CUBN: variants seen among roughly 807,000 people sequenced by gnomAD.
CUBN encodes cubilin, also known as 460 kDa receptor.
In CUBN, 282 loss-of-function variants were observed where a neutral mutation model predicts 405.3. That is an observed-to-expected ratio of 0.70 (90% CI 0.63 to 0.77). CUBN has a LOEUF of 0.77. Among genes scored for constraint, CUBN ranks in the 30% least tolerant of loss-of-function variants. CUBN has a pLI of 0.00. For synonymous variants in CUBN, 1,684 were observed against 1,617.0 expected (o/e 1.04, Z -0.99); for missense variants, 4,514 against 4,475.2 (o/e 1.01, Z -0.25).
At chr10:16,952,795 G>T (rs115521107) in intron 32 of CUBN, among the ~76,000 whole-genome samples, 2,600 of 152,288 alleles carry the variant, frequency 0.017, 67 homozygotes, top group African/African-American at 0.058. Context: ...GATGACTGTA[G>T]ATTACTAGAG....
chr10:16,938,712 T>C (rs1842581587), intron 38 of CUBN, among the ~76,000 whole-genome samples: 1 of 152,184 alleles, frequency 6.6e-6, no homozygotes, highest in Non-Finnish European at 1.5e-5. Flanking sequence ...CATACATGCA[T>C]GCTTAGACAA....
chr10:17,000,695 T>C (rs1054288266), intron 28 of CUBN, among the ~76,000 whole-genome samples: 4 of 152,240 alleles, frequency 2.6e-5, no homozygotes, highest in Non-Finnish European at 5.9e-5. Flanking sequence ...GTGCTACTTA[T>C]TGCACGGCCT....
At chr10:16,948,948 G>A (rs759780701) in intron 34 of CUBN, among the ~76,000 whole-genome samples, 76 of 152,154 alleles carry the variant, frequency 5.0e-4, no homozygotes, top group Non-Finnish European at 9.4e-4. Context: ...CCACTATTTT[G>A]TAGCACAGAA....
intron 33 of CUBN, 30 bp from the exon 34 acceptor site, chr10:16,950,141 A>G: frequency 6.6e-7 from 1 of 1,514,130 alleles, no homozygotes; most frequent in Non-Finnish European, 9.1e-7. Flanking sequence ...ACTCTCTCGT[A>G]AAGTACTGGC....
intron 28 of CUBN, among the ~76,000 whole-genome samples, chr10:16,996,728 A>T (rs976616176): frequency 1.3e-5 from 2 of 152,250 alleles, no homozygotes; most frequent in Non-Finnish European, 2.9e-5. Flanking sequence ...CGACTGCTCA[A>T]ATGCAGTCAG....
rs147315391 is a variant in CUBN at position 16,957,938 on chromosome 10, T to C, written c.4696-3390A>G. On this transcript the variant is annotated intron_variant, in intron 31 of 66. Coordinates refer to ENST00000377833, the MANE Select transcript of CUBN (RefSeq NM_001081.4). ...AAAACTCTAAGATTTTGCAAGTCCA[T>C]GGACTCACAAAATAAGACTCTTCTG... is the stretch of plus-strand genomic sequence containing the variant. Among the ~76,000 whole-genome samples the C allele has an allele frequency of 4.4e-3, 669 of 151,478 alleles. 3 individuals are homozygous for C. The highest frequency in any genetic ancestry group is 7.3e-3 in the Non-Finnish European group (498 of 67,862).
In CUBN at chr10:17,109,681, T is replaced by C. The variant is rs751255376; in HGVS notation, c.1070A>G (p.Asn357Ser). 1.2e-6 allele frequency: 2 copies of C among 1,613,988 alleles called. No homozygotes were observed. Among genetic ancestry groups the C allele is most frequent in the Non-Finnish European group, 1.7e-6 (2 of 1,179,976 alleles). The change falls in exon 10 of 67, where the codon AAT (asparagine) becomes AGT (serine). Residue 357 changes from asparagine to serine, a missense_variant. Physicochemically the swap from Asn to Ser is conservative, Grantham distance 46. Coordinates refer to ENST00000377833, the MANE Select transcript of CUBN (RefSeq NM_001081.4). ...CTLTDICSVS[N>S]GGCHPDASCS... Reference sequence around the variant, plus strand: ...TGAGGCATCTGGGTGGCAGCCTCCATTACTGACTGAGCAGATGTCTGTGAG... The same window carrying C: ...TGAGGCATCTGGGTGGCAGCCTCCACTACTGACTGAGCAGATGTCTGTGAG...
intron 28 of CUBN, among the ~76,000 whole-genome samples, chr10:17,014,370 G>A (rs545678827): frequency 2.6e-5 from 4 of 152,192 alleles, no homozygotes; most frequent in Non-Finnish European, 5.9e-5. Context: ...TCTGCCCCTG[G>A]TTCCCATTCT....
At chr10:17,036,202 C>T (rs555137863) in intron 27 of CUBN, among the ~76,000 whole-genome samples, 1 of 152,048 alleles carries the variant, frequency 6.6e-6, no homozygotes, top group Non-Finnish European at 1.5e-5. Flanking sequence ...CACATGAGCT[C>T]CCTGTGCTGG....
chr10:17,017,336 T>C (rs1476609261), intron 28 of CUBN, among the ~76,000 whole-genome samples: 2 of 152,072 alleles, frequency 1.3e-5, no homozygotes, highest in Non-Finnish European at 2.9e-5. Flanking sequence ...ACCTGCACCC[T>C]TGCCTGTCCT....
chr10:17,087,248 C>G (rs538546996), intron 15 of CUBN, among the ~76,000 whole-genome samples: 1 of 152,204 alleles, frequency 6.6e-6, no homozygotes, highest in South Asian at 2.1e-4. Flanking sequence ...ACTCAATCTT[C>G]TCCATTATCT....
Position 17,122,789 on chromosome 10 carries a change from A to C in CUBN, c.593+6T>G, listed in dbSNP as rs1315493362. ...GATATTTACCAAAAAAAAAAAAAAA[A>C]GTTACCTGTAACTTCCCATTGTATT... On this transcript the variant is annotated splice_donor_region_variant and intron_variant, in intron 6 of 66. Coordinates refer to ENST00000377833, the MANE Select transcript of CUBN (RefSeq NM_001081.4). The C allele has an allele frequency of 1.9e-6, 3 of 1,582,774 alleles. No homozygotes were observed. In the Admixed American group the frequency reaches 5.0e-5, roughly 27 times the overall value.
At chr10:17,117,341 C>T (rs973361217) in intron 6 of CUBN, among the ~76,000 whole-genome samples, 1 of 152,156 alleles carries the variant, frequency 6.6e-6, no homozygotes, top group African/African-American at 2.4e-5. Flanking sequence ...CCTGTCCCAA[C>T]ACCTCCCAAC....
At chr10:16,982,842 T>C (rs1055866086) in intron 30 of CUBN, among the ~76,000 whole-genome samples, 189 bp from the exon 31 acceptor site, 3 of 152,212 alleles carry the variant, frequency 2.0e-5, no homozygotes, top group Admixed American at 2.0e-4. Flanking sequence ...ACATGGATGA[T>C]ACTAAGAAAA....
chr10:16,846,196 G>A (rs1287862995), intron 60 of CUBN, among the ~76,000 whole-genome samples: 2 of 152,184 alleles, frequency 1.3e-5, no homozygotes, highest in African/African-American at 4.8e-5. Context: ...TTTGTTTTGA[G>A]TTTTTCCACC....
At position 16,952,297 on chromosome 10, in the gene CUBN, TC is replaced by T. The variant is rs1169139172; in HGVS notation, c.4947del (p.Trp1649Ter). On this transcript the variant is annotated frameshift_variant, in exon 33 of 67. Coordinates refer to ENST00000377833, the MANE Select transcript of CUBN (RefSeq NM_001081.4). LOFTEE classifies it high-confidence loss of function. ...ANYPNNQNCS[W>X]IIQAQPPLNH... ...TTACATGGAGGTTGCGCTTGAATGA[TC>T]CAGCTGCAGTTCTGATTGTTTGGAT... The T allele has an allele frequency of 6.2e-7, 1 of 1,613,306 alleles. No homozygotes were observed. The highest frequency in any genetic ancestry group is 2.2e-5 in the East Asian group (1 of 44,888).
rs1368580646 is a variant in CUBN at position 16,901,345 on chromosome 10, G to A, written c.8177C>T (p.Thr2726Ile). 6.2e-7 allele frequency: 1 copy of A among 1,614,044 alleles called. No individual in the cohort carries two copies. The highest frequency in any genetic ancestry group is 1.7e-5 in the Admixed American group (1 of 60,000). Residue 2726 changes from threonine to isoleucine, a missense_variant, in exon 52 of 67, where the codon ACC (threonine) becomes ATC (isoleucine). Physicochemically the swap from Thr to Ile is moderately conservative, Grantham distance 89. This residue lies in a region of CUBN where 1,186 missense variants were observed against 1,186.9 expected (regional missense o/e 1.00). Coordinates refer to ENST00000377833, the MANE Select transcript of CUBN (RefSeq NM_001081.4). ...CCAGTCATTAGCACTCACAGTGATG[G>A]TGTGCCCTTGTGGGGCCTCCAACAG... ...SSLLEAPQGH[T>I]ITLTFSDFDI... is the part of the protein sequence containing the mutation.
chr10:16,931,178 G>A (rs1413445062), intron 40 of CUBN, among the ~76,000 whole-genome samples: 1 of 151,792 alleles, frequency 6.6e-6, no homozygotes, highest in Non-Finnish European at 1.5e-5. Flanking sequence ...GCAGGAGAAT[G>A]GCATGAACCC....
Position 16,900,983 on chromosome 10 carries a change from C to G in CUBN, c.8185-133G>C, listed in dbSNP as rs1841345197. ...TTTGTCTCTTATTTAATTCTCCCTT[C>G]CCCTCTACTTTTTTTTCCTTATTGA... On this transcript the variant is annotated intron_variant, in intron 52 of 66. Coordinates refer to ENST00000377833, the MANE Select transcript of CUBN (RefSeq NM_001081.4). 13 of 748,062 alleles carry G rather than the reference C, an allele frequency of 1.7e-5. No individual in the cohort carries two copies. In the South Asian group the frequency reaches 2.3e-4, roughly 13 times the overall value. The allele number at this position is 748,062 out of a possible 1,614,324, so 46.3% of individuals were successfully genotyped here.
Sources: gnomAD v4.1 joint callset for allele counts (sites outside exome capture counted in the v4.1 genomes callset) on GRCh38, gnomAD v4.1.1 for gene constraint, gnomAD v4.1.1 regional missense constraint, MANE v1.5 for transcripts, NCBI Gene and HGNC (gene_info 2026-07-23, HGNC 2026-07-21) for gene names.